The following ZNF724 variants were observed in gnomAD, a reference collection of about 807,000 sequenced individuals.
ZNF724 encodes the protein zinc finger protein 724 pseudogene.
Under a neutral mutation model 29.3 loss-of-function variants are expected in ZNF724, and 14 were observed. The ratio of observed to expected loss-of-function variants is 0.48; its 90% confidence interval spans 0.32 to 0.75. ZNF724 has a LOEUF of 0.75. Ranked by LOEUF, ZNF724 falls within the 30% of genes least tolerant of loss-of-function variation. The pLI is 0.04. For synonymous variants in ZNF724, 180 were observed against 193.6 expected (o/e 0.93, Z 0.58); for missense variants, 557 against 571.2 (o/e 0.98, Z 0.25).
At position 23,231,319 on chromosome 19, in the gene ZNF724, T is replaced by G. The variant is rs1179052906; in HGVS notation, c.173A>C (p.Gln58Pro). ...CTCCATATTCCAGGGCTCTTTGCCT[T>G]GCTCCAGACAGGTGATCAGGTCTGG... ...SKPDLITCLE[Q>P]GKEPWNMERH... is the part of the protein sequence containing the mutation. The change falls in exon 3 of 4, where the codon CAA (glutamine) becomes CCA (proline). Residue 58 changes from glutamine to proline, a missense_variant. Transcript: ENST00000418100. The G allele has an allele frequency of 7.2e-7, 1 of 1,392,834 alleles. No individual in the cohort carries two copies. Among genetic ancestry groups the G allele is most frequent in the African/African-American group, 1.4e-5 (1 of 70,726 alleles). The allele number at this position is 1,392,834 out of a possible 1,614,324, so 86.3% of individuals were successfully genotyped here.
At chr19:23,224,818 G>T (rs1971796170) in intron 3 of ZNF724, among the ~76,000 whole-genome samples, 1 of 152,006 alleles carries the variant, frequency 6.6e-6, no homozygotes, top group African/African-American at 2.4e-5. Flanking sequence ...AGCCAGGTGT[G>T]GTGGTGGGCA....
chr19:23,230,449 T>C (rs1230792096), intron 3 of ZNF724, among the ~76,000 whole-genome samples: 1 of 151,954 alleles, frequency 6.6e-6, no homozygotes, highest in East Asian at 1.9e-4. Flanking sequence ...GAACAAAGGA[T>C]GAGGACAACG....
At chr19:23,230,543 A>C (rs1024516723) in intron 3 of ZNF724, among the ~76,000 whole-genome samples, 1 of 152,200 alleles carries the variant, frequency 6.6e-6, no homozygotes, top group South Asian at 2.1e-4. Context: ...AAAAAAATGA[A>C]ACAGAAACCA....
rs551043093 is a variant in ZNF724 at position 23,230,427 on chromosome 19, C to T, written c.226+839G>A. ...ATAAACTCTGAATAATGAAAGCAATCTTGAGGAAAAAGAACAAAGGATGAG... is the reference window on the plus strand; with the variant it reads ...ATAAACTCTGAATAATGAAAGCAATTTTGAGGAAAAAGAACAAAGGATGAG... On this transcript the variant is annotated intron_variant, in intron 3 of 3. Transcript: ENST00000418100. Among the ~76,000 whole-genome samples the T allele has an allele frequency of 1.2e-4, 18 of 152,068 alleles. No homozygotes were observed. The East Asian group carries it at 1.5e-3, about 13-fold the overall frequency.
At chr19:23,232,028 C>T (rs961152949) in intron 2 of ZNF724, 139 bp downstream of exon 2, 41 of 817,922 alleles carry the variant, frequency 5.0e-5, no homozygotes, top group Admixed American at 2.4e-4. Flanking sequence ...TAAGCCACCA[C>T]GCTTGGCCCC....
chr19:23,231,187 A>G, intron 3 of ZNF724, 79 bp downstream of exon 3: 7 of 1,058,870 alleles, frequency 6.6e-6, no homozygotes, highest in Non-Finnish European at 9.5e-6. Context: ...CTGGCCCCAA[A>G]TCGTATTTCA....
At chr19:23,243,474 T>TAAAAAAAAAAAAAA (rs1442110806) in intron 1 of ZNF724, among the ~76,000 whole-genome samples, 1 of 5,270 alleles carries the variant, frequency 1.9e-4, no homozygotes, top group Non-Finnish European at 2.9e-4. Flanking sequence ...AGAGTCCATC[T>TAAAAAAAAAAAAAA]CAAAAAAAAA....
At chr19:23,250,152 G>A in intron 1 of ZNF724, 88 bp downstream of exon 1, 1 of 556,728 alleles carries the variant, frequency 1.8e-6, no homozygotes, top group Non-Finnish European at 3.6e-6. Flanking sequence ...AGATGACTGC[G>A]GGGAGGCCCG....
At chr19:23,248,290 G>A (rs1406207519) in intron 1 of ZNF724, among the ~76,000 whole-genome samples, 2 of 152,144 alleles carry the variant, frequency 1.3e-5, no homozygotes, top group Non-Finnish European at 2.9e-5. Flanking sequence ...AGTTCATAAT[G>A]TGAATTAGGG....
intron 3 of ZNF724, among the ~76,000 whole-genome samples, chr19:23,227,463 G>A (rs906832397): frequency 1.4e-5 from 2 of 145,080 alleles, no homozygotes; most frequent in South Asian, 4.4e-4. Context: ...GGCTGAGGCA[G>A]AAGAATCACT....
chr19:23,243,133 C>A (rs1972164666), intron 1 of ZNF724, among the ~76,000 whole-genome samples: 1 of 150,740 alleles, frequency 6.6e-6, no homozygotes, highest in African/African-American at 2.4e-5. Context: ...GGAACAAGAT[C>A]ATTTCATTTG....
At chr19:23,240,420 G>A (rs1972100537) in intron 1 of ZNF724, among the ~76,000 whole-genome samples, 1 of 151,722 alleles carries the variant, frequency 6.6e-6, no homozygotes, top group South Asian at 2.1e-4. Flanking sequence ...GTCGCACTCT[G>A]ACCAAAAAAG....
intron 1 of ZNF724, among the ~76,000 whole-genome samples, chr19:23,234,696 C>T (rs899647873): frequency 6.6e-6 from 1 of 152,192 alleles, no homozygotes; most frequent in Non-Finnish European, 1.5e-5. Flanking sequence ...AGGTGATCCA[C>T]CCACCTCGGT....
At chr19:23,230,280 T>C (rs113194568) in intron 3 of ZNF724, among the ~76,000 whole-genome samples, 2,444 of 151,846 alleles carry the variant, frequency 0.016, 58 homozygotes, top group African/African-American at 0.055. Flanking sequence ...AGAATAAATA[T>C]TGTTAAAGTG....
chr19:23,223,835 A>T lies in ZNF724; in HGVS notation c.410T>A (p.Leu137Ter). ...KGSYNGFNQCLTTTQSKIFQC... is the reference protein window; with the variant it reads ...KGSYNGFNQC ...AAATATTTTGCTCTGGGTAGTTGTC[A>T]AACACTGGTTAAATCCATTATAACT... The change falls in exon 4 of 4, where the codon TTG (leucine) becomes TAG (stop). Residue 137 changes from leucine to a stop codon, truncating the protein, a stop_gained. Transcript: ENST00000418100. LOFTEE classifies it low-confidence loss of function (END_TRUNC). 1 of 780,028 alleles carries T rather than the reference A, an allele frequency of 1.3e-6. No individual in the cohort carries two copies. The highest frequency in any genetic ancestry group is 2.4e-5 in the East Asian group (1 of 41,150). The allele number at this position is 780,028 out of a possible 1,614,324, so 48.3% of individuals were successfully genotyped here.
Position 23,223,658 on chromosome 19 carries a change from T to G in ZNF724, c.587A>C (p.Asn196Thr). 1.4e-6 allele frequency: 1 copy of G among 714,818 alleles called. No homozygotes were observed. Among genetic ancestry groups the G allele is most frequent in the Admixed American group, 2.0e-5 (1 of 50,042 alleles). 44.3% of individuals were successfully genotyped at this position (714,818 alleles called of 1,614,324 possible). A position where few individuals can be genotyped will look rare whatever the true frequency, so the allele number is the denominator to read the frequency against. The part of the protein sequence containing the change: ...TQHKRIHTTV[N>T]SYKLEECGKA... Reference sequence around the variant, plus strand: ...GCCACATTCTTCAAGTTTGTAGGAATTGACAGTAGTGTGAATTCTTTTATG... The same window carrying G: ...GCCACATTCTTCAAGTTTGTAGGAAGTGACAGTAGTGTGAATTCTTTTATG... The change falls in exon 4 of 4, where the codon AAT (asparagine) becomes ACT (threonine). Residue 196 changes from asparagine to threonine, a missense_variant. Physicochemically the swap from Asn to Thr is moderately conservative, Grantham distance 65. Around this residue, in one of 3 missense-constraint regions of ZNF724, gnomAD observed 362 missense variants for 295.5 expected, o/e 1.22. Coordinates refer to ENST00000418100, the MANE Select transcript of ZNF724 (RefSeq NM_001355404.2).
At chr19:23,224,708 CA>C (rs965135774) in intron 3 of ZNF724, among the ~76,000 whole-genome samples, 3 of 62,070 alleles carry the variant, frequency 4.8e-5, no homozygotes, top group African/African-American at 1.7e-4. Context: ...GTAATCCCAA[CA>C]CTTTGGCGTG....
rs1438899022 is a variant in ZNF724, at chr19:23,223,614, A to T, written c.631T>A (p.Ser211Thr). ...EECGKAFNVS[S>T]TLSQHKRIHT... ...ATTCTCTTATGTTGAGAAAGGGTTG[A>T]GGACACATTAAAGGCCTTGCCACAT... Residue 211 changes from serine to threonine, a missense_variant, in exon 4 of 4, where the codon TCA becomes ACA. Physicochemically the swap from Ser to Thr is moderately conservative, Grantham distance 58 (BLOSUM62 1). This residue lies in a region of ZNF724 where 362 missense variants were observed against 295.5 expected (regional missense o/e 1.22). Coordinates refer to ENST00000418100, the MANE Select transcript of ZNF724 (RefSeq NM_001355404.2). The T allele has an allele frequency of 1.3e-5, 9 of 715,110 alleles. No individual in the cohort carries two copies. 44.3% of individuals were successfully genotyped at this position (715,110 alleles called of 1,614,324 possible). A position where few individuals can be genotyped will look rare whatever the true frequency, so the allele number is the denominator to read the frequency against.
intron 1 of ZNF724, among the ~76,000 whole-genome samples, chr19:23,248,480 TC>T (rs1972282199): frequency 6.6e-6 from 1 of 151,850 alleles, no homozygotes; most frequent in African/African-American, 2.4e-5. Flanking sequence ...GGAAAATCAG[TC>T]CTCTGTGGAG....
Sources: gnomAD v4.1 joint callset for allele counts (sites outside exome capture counted in the v4.1 genomes callset) on GRCh38, gnomAD v4.1.1 for gene constraint, gnomAD v4.1.1 regional missense constraint, MANE v1.5 for transcripts, NCBI Gene and HGNC (gene_info 2026-07-23, HGNC 2026-07-21) for gene names.